TMT1A: variants seen among roughly 807,000 people sequenced by gnomAD.
The protein encoded by TMT1A is thiol S-methyltransferase TMT1A.
chr12:50,926,016 C>CAAAAAAAAAAAAAAAAA, the TMT1A span, among the ~76,000 whole-genome samples: 14 of 26,022 alleles, frequency 5.4e-4, no homozygotes, highest in African/African-American at 6.7e-4. Context: ...AACTCCATCT[C>CAAAAAAAAAAAAAAAAA]AAAAAAAAAA....
chr12:50,928,885 CA>C, the TMT1A span, among the ~76,000 whole-genome samples: 1 of 152,104 alleles, frequency 6.6e-6, no homozygotes, highest in Non-Finnish European at 1.5e-5. Context: ...CAGAGGGCAA[CA>C]CTGACCTCCC....
the TMT1A span, chr12:50,925,537 G>C: frequency 6.2e-7 from 1 of 1,611,846 alleles, no homozygotes; most frequent in Non-Finnish European, 8.5e-7. Flanking sequence ...GCTGAGACCG[G>C]TGAGTGAAAG....
chr12:50,925,474 G>A, the TMT1A span: 1 of 1,614,192 alleles, frequency 6.2e-7, no homozygotes, highest in Non-Finnish European at 8.5e-7. Flanking sequence ...CTGCACCCTG[G>A]TGCTGTGCTC....
chr12:50,930,102 G>A, the TMT1A span: 2 of 1,613,924 alleles, frequency 1.2e-6, no homozygotes, highest in East Asian at 2.2e-5. Flanking sequence ...AGGCCCCACT[G>A]TCCTGGGAGT....
chr12:50,926,016 C>CAAAAAAAAAA, the TMT1A span, among the ~76,000 whole-genome samples: 10 of 26,060 alleles, frequency 3.8e-4, 1 homozygote, highest in African/African-American at 1.2e-3. Flanking sequence ...AACTCCATCT[C>CAAAAAAAAAA]AAAAAAAAAA....
the TMT1A span, chr12:50,925,394 T>C: frequency 3.1e-6 from 5 of 1,614,176 alleles, no homozygotes; most frequent in South Asian, 1.1e-5. Flanking sequence ...CACCTGCAGT[T>C]TGAGCGCTTT....
chr12:50,932,420 TGTA>T, the TMT1A span: 20 of 152,222 alleles, frequency 1.3e-4, no homozygotes, highest in South Asian at 2.1e-4. Flanking sequence ...TTTTAATAAA[TGTA>T]GTATATTTTC....
chr12:50,926,065 A>G, the TMT1A span, among the ~76,000 whole-genome samples: 771 of 151,196 alleles, frequency 5.1e-3, 5 homozygotes, highest in Non-Finnish European at 8.9e-3. Flanking sequence ...AAGAATAAGA[A>G]AAAAAAACTC....
chr12:50,930,374 G>C, the TMT1A span: 2 of 368,920 alleles, frequency 5.4e-6, no homozygotes, highest in Non-Finnish European at 9.7e-6. Context: ...CCACCTCGCG[G>C]GTTTAAGCGA....
At chr12:50,926,869 T>C in the TMT1A span, among the ~76,000 whole-genome samples, 1 of 152,250 alleles carries the variant, frequency 6.6e-6, no homozygotes, top group Non-Finnish European at 1.5e-5. Context: ...GTAAAGTCTG[T>C]AATTCTTTAT....
the TMT1A span, chr12:50,925,635 G>A: frequency 2.2e-6 from 3 of 1,336,804 alleles, no homozygotes; most frequent in Admixed American, 2.7e-5. Context: ...AACATAAAAA[G>A]TAAACTACTA....
chr12:50,925,260 G>C, the TMT1A span: 1 of 1,614,230 alleles, frequency 6.2e-7, no homozygotes, highest in East Asian at 2.2e-5. Context: ...AACTCTCCCT[G>C]CTGGAAGTGG....
chr12:50,925,651 T>C, the TMT1A span: 4 of 1,236,144 alleles, frequency 3.2e-6, no homozygotes, highest in Non-Finnish European at 4.3e-6. Flanking sequence ...TACTAGAAAA[T>C]ACTGTAGAAT....
At chr12:50,930,179 C>A in the TMT1A span, 1 of 1,491,240 alleles carries the variant, frequency 6.7e-7, no homozygotes, top group Non-Finnish European at 9.1e-7. Flanking sequence ...AGCTGAATGG[C>A]TCAAAGAATT....
At chr12:50,925,048 A>C in the TMT1A span, 4 of 1,613,938 alleles carry the variant, frequency 2.5e-6, no homozygotes, top group Non-Finnish European at 3.4e-6. Flanking sequence ...AATGGAGCTT[A>C]CCATCTTTAT....
chr12:50,929,477 G>A, the TMT1A span, among the ~76,000 whole-genome samples: 6 of 152,282 alleles, frequency 3.9e-5, no homozygotes, highest in Admixed American at 2.0e-4. Context: ...AGGTAGATAT[G>A]TAGAAAACTT....
chr12:50,927,091 C>T, the TMT1A span, among the ~76,000 whole-genome samples: 1 of 152,158 alleles, frequency 6.6e-6, no homozygotes, highest in Non-Finnish European at 1.5e-5. Context: ...ATGATCACAG[C>T]TCACTGCAGC....
chr12:50,928,432 C>T, the TMT1A span, among the ~76,000 whole-genome samples: 1 of 152,162 alleles, frequency 6.6e-6, no homozygotes. Context: ...CTGGTTGCCC[C>T]CTTCGCAACT....
the TMT1A span, chr12:50,929,940 T>C: frequency 1.2e-6 from 2 of 1,613,810 alleles, no homozygotes; most frequent in South Asian, 1.1e-5. Context: ...TCATGGAGCA[T>C]GTGGCAGCTG....
Sources: allele counts gnomAD v4.1 joint callset (sites outside exome capture counted in the v4.1 genomes callset), GRCh38; gene constraint gnomAD v4.1.1; transcripts MANE v1.5; gene names NCBI Gene and HGNC (gene_info 2026-07-23, HGNC 2026-07-21).